Variants in INTS2 observed in about 807,000 individuals in gnomAD.
The protein encoded by INTS2 is KIAA1287.
INTS2 carries 57 observed loss-of-function variants against 139.6 expected under a neutral mutation model. The ratio of observed to expected loss-of-function variants is 0.41; its 90% CI spans 0.33 to 0.51. INTS2 has a LOEUF of 0.51. Among genes scored for constraint, INTS2 ranks in the 20% least tolerant of loss-of-function variants. The pLI, the probability that INTS2 is intolerant of heterozygous loss-of-function variation, is 0.28. For missense variants in INTS2, 1,196 were observed against 1,436.7 expected, an observed-to-expected ratio of 0.83 and a Z score of 2.71; for synonymous variants, 473 against 493.4, an observed-to-expected ratio of 0.96 and a Z score of 0.55.
chr17:61,912,642 A>C (rs1459724684), intron 5 of INTS2, among the ~76,000 whole-genome samples: 3 of 152,102 alleles, frequency 2.0e-5, no homozygotes, highest in Admixed American at 2.0e-4. Context: ...TAATTAATTA[A>C]TTAATTTGAA....
chr17:61,924,930 A>G (rs2079693368), intron 3 of INTS2, 31 bp downstream of exon 3: 1 of 1,602,390 alleles, frequency 6.2e-7, no homozygotes, highest in African/African-American at 1.3e-5. Flanking sequence ...CAAATCATGC[A>G]TACTTTGAGC....
In INTS2 at chr17:61,869,871, C is replaced by A. The variant is rs1488939564; in HGVS notation, c.2896G>T (p.Ala966Ser). 2 of 1,613,874 alleles carry A rather than the reference C, an allele frequency of 1.2e-6. No homozygotes were observed. Among genetic ancestry groups the A allele is most frequent in the Non-Finnish European group, 1.7e-6 (2 of 1,179,824 alleles). ...CCTTCCTCCATTCCCTTATTTGGAG[C>A]GCTGGTGGTAATAACACTTTGAACA... Reference protein sequence around the residue: ...RNVQSVITTSAPNKGMEEGED... With the variant: ...RNVQSVITTSSPNKGMEEGED... The change falls in exon 21 of 25, where the codon GCT becomes TCT. Residue 966 changes from alanine to serine, a missense_variant. Coordinates refer to ENST00000251334, the MANE Select transcript of INTS2 (RefSeq NM_001351695.2). The surrounding 1 kb of genome is among the most constrained non-coding windows in gnomAD (Gnocchi z 5.4).
At chr17:61,920,672 G>A (rs768771097) in intron 4 of INTS2, among the ~76,000 whole-genome samples, 11 of 151,914 alleles carry the variant, frequency 7.2e-5, no homozygotes, top group South Asian at 2.1e-4. Context: ...GCATGGTGCC[G>A]CATGCCTGTA....
Position 61,919,475 on chromosome 17 carries a change from C to A in INTS2, c.574G>T (p.Ala192Ser). The A allele has an allele frequency of 6.3e-7, 1 of 1,599,612 alleles. No individual in the cohort carries two copies. Among genetic ancestry groups the A allele is most frequent in the Non-Finnish European group, 8.5e-7 (1 of 1,172,132 alleles). The change falls in exon 5 of 25, where the codon GCT becomes TCT. Residue 192 changes from alanine (A) to serine (S), a missense_variant. This residue lies in a region of INTS2 where 1,129 missense variants were observed against 1,341.9 expected (regional missense o/e 0.84). Coordinates refer to ENST00000251334, the MANE Select transcript of INTS2 (RefSeq NM_001351695.2). ...GCACCATTTCTAACATGTAGCAAAG[C>A]TTCAGCTACATCAACTATAGGGAGC... ...SLLPIVDVAE[A>S]LLHVRNGAWF...
chr17:61,924,637 G>T (rs909928083), intron 3 of INTS2, among the ~76,000 whole-genome samples: 10 of 152,054 alleles, frequency 6.6e-5, no homozygotes, highest in Non-Finnish European at 1.3e-4. Context: ...TGGCCAGCCT[G>T]GTCAACATGG....
chr17:61,892,590 A>C (rs549906276), intron 13 of INTS2, among the ~76,000 whole-genome samples: 39 of 152,082 alleles, frequency 2.6e-4, no homozygotes, highest in African/African-American at 9.2e-4. Flanking sequence ...CCAGGAGTTC[A>C]AGACCAGACC....
intron 14 of INTS2, 35 bp from the exon 15 acceptor site, chr17:61,889,929 T>A: frequency 7.8e-7 from 1 of 1,289,250 alleles, no homozygotes; most frequent in Non-Finnish European, 1.1e-6. Flanking sequence ...TGAAATACTC[T>A]GAATTTCACG....
intron 15 of INTS2, among the ~76,000 whole-genome samples, chr17:61,885,597 T>C (rs1399404138): frequency 2.6e-5 from 4 of 151,922 alleles, no homozygotes; most frequent in African/African-American, 9.7e-5. Context: ...TTTTTGTATT[T>C]TTAGTAGAGA....
At chr17:61,901,507 C>T (rs1424982311) in intron 9 of INTS2, among the ~76,000 whole-genome samples, 1 of 141,154 alleles carries the variant, frequency 7.1e-6, no homozygotes, top group Non-Finnish European at 1.5e-5. Context: ...AAAAAGCACT[C>T]TTAGAAATTA....
At chr17:61,879,579 G>A (rs947362530) in intron 17 of INTS2, among the ~76,000 whole-genome samples, 4 of 152,128 alleles carry the variant, frequency 2.6e-5, no homozygotes, top group Admixed American at 6.6e-5. Context: ...GGCCAGGCAC[G>A]GTGGTTCATG....
At chr17:61,895,733 C>T (rs894197069) in intron 11 of INTS2, among the ~76,000 whole-genome samples, 1 of 151,704 alleles carries the variant, frequency 6.6e-6, no homozygotes, top group Non-Finnish European at 1.5e-5. Context: ...TATACACACA[C>T]AAATATATGT....
In INTS2 at chr17:61,897,776, T is replaced by G; in HGVS notation, c.1308-37A>C. The G allele has an allele frequency of 7.7e-7, 1 of 1,298,424 alleles. No homozygotes were observed. Among genetic ancestry groups the G allele is most frequent in the South Asian group, 1.3e-5 (1 of 77,058 alleles). 80.4% of individuals were successfully genotyped at this position (1,298,424 alleles called of 1,614,324 possible). ...ATACCAGAATGTCACTGGTTTAAAT[T>G]AGATATACTAGCATATGAATAAAAA... On this transcript the variant is annotated intron_variant, in intron 9 of 24. Coordinates refer to ENST00000251334, the MANE Select transcript of INTS2 (RefSeq NM_001351695.2). This position sits in a 1 kb window ranked among gnomAD's most constrained non-coding sequence, Gnocchi z 4.4.
At chr17:61,911,866 T>A in intron 6 of INTS2, 74 bp downstream of exon 6, 1 of 1,527,300 alleles carries the variant, frequency 6.5e-7, no homozygotes, top group Middle Eastern at 1.8e-4. Context: ...TCTACAGGAC[T>A]CTAAAACCAT....
intron 3 of INTS2, among the ~76,000 whole-genome samples, chr17:61,922,256 A>G (rs556216929): frequency 6.6e-6 from 1 of 152,038 alleles, no homozygotes; most frequent in African/African-American, 2.4e-5. Context: ...GGATCAACTG[A>G]GGTCAGGAGT....
chr17:61,911,219 A>G, intron 7 of INTS2: 1 of 368,402 alleles, frequency 2.7e-6, no homozygotes, highest in African/African-American at 2.1e-5. Flanking sequence ...TCAGCCTCCT[A>G]AGTAGCTAGG....
chr17:61,884,707 C>G (rs1355571431), intron 16 of INTS2, among the ~76,000 whole-genome samples, 194 bp downstream of exon 16: 1 of 152,028 alleles, frequency 6.6e-6, no homozygotes, highest in African/African-American at 2.4e-5. Flanking sequence ...CTGAAAATAG[C>G]TAGGGTTGCG....
At chr17:61,904,654 C>T (rs2079442780) in intron 8 of INTS2, 69 bp from the exon 9 acceptor site, 14 of 1,333,970 alleles carry the variant, frequency 1.0e-5, no homozygotes, top group African/African-American at 1.5e-5. Flanking sequence ...GAATTTTTAA[C>T]CTTTTAGTTA....
chr17:61,904,686 G>T, intron 8 of INTS2, 101 bp from the exon 9 acceptor site: 1 of 957,016 alleles, frequency 1.0e-6, no homozygotes, highest in Non-Finnish European at 1.5e-6. Context: ...CTTTATAATG[G>T]TATCTTGCTA....
At position 61,870,987 on chromosome 17, in the gene INTS2, G is replaced by A. The variant is rs2079084045; in HGVS notation, c.2779-999C>T. On this transcript the variant is annotated intron_variant, in intron 20 of 24. Coordinates refer to ENST00000251334, the MANE Select transcript of INTS2 (RefSeq NM_001351695.2). This position sits in a 1 kb window ranked among gnomAD's most constrained non-coding sequence, Gnocchi z 4.4. ...CATAGGTAGGTTATAAAAATTAAAT[G>A]AGCTAATATATTTAAAGAACTTAGG... is the stretch of plus-strand genomic sequence containing the variant. 1.3e-5 allele frequency among the ~76,000 whole-genome samples: 2 copies of A among 152,146 alleles called. No homozygotes were observed. Among genetic ancestry groups the A allele is most frequent in the Admixed American group, 6.5e-5 (1 of 15,272 alleles).
Sources: allele counts gnomAD v4.1 joint callset (sites outside exome capture counted in the v4.1 genomes callset), GRCh38; gene constraint gnomAD v4.1.1; regional missense constraint gnomAD v4.1.1; non-coding constraint Gnocchi (gnomAD v3.1); transcripts MANE v1.5; gene names NCBI Gene and HGNC (gene_info 2026-07-23, HGNC 2026-07-21).